The following ACTN4 variants were observed in gnomAD, a reference collection of about 807,000 sequenced individuals.
ACTN4 encodes the protein alpha-actinin-4.
Under a neutral mutation model 114.2 loss-of-function variants are expected in ACTN4, and 18 were observed. That is an observed-to-expected ratio of 0.16 (90% CI 0.11 to 0.23). ACTN4 has a LOEUF of 0.23. ACTN4 is among the 10% of genes least tolerant of loss of function. The probability of loss-of-function intolerance (pLI) is 1.00; values close to 1 mark genes in which losing one functional copy is unlikely to be tolerated. For synonymous variants in ACTN4, 515 were observed against 506.3 expected (o/e 1.02, Z -0.23); for missense variants, 722 against 1,262.9 (o/e 0.57, Z 6.49).
chr19:38,678,364 A>G (rs1253187688), intron 1 of ACTN4, among the ~76,000 whole-genome samples: 1 of 152,228 alleles, frequency 6.6e-6, no homozygotes, highest in African/African-American at 2.4e-5. Context: ...TAAAGACCTA[A>G]GAACACAGCC....
At chr19:38,669,139 A>G (rs567344049) in intron 1 of ACTN4, among the ~76,000 whole-genome samples, 1 of 152,126 alleles carries the variant, frequency 6.6e-6, no homozygotes, top group South Asian at 2.1e-4. Context: ...GACGCCTGCC[A>G]CCGTGCCCAG....
At chr19:38,681,154 G>T (rs79871000) in intron 1 of ACTN4, among the ~76,000 whole-genome samples, 1 of 108,394 alleles carries the variant, frequency 9.2e-6, no homozygotes, top group African/African-American at 3.1e-5. Context: ...AAAAAAAAAA[G>T]CAGATTCTAA....
At chr19:38,681,415 C>A (rs567270809) in intron 1 of ACTN4, among the ~76,000 whole-genome samples, 2 of 152,272 alleles carry the variant, frequency 1.3e-5, no homozygotes, top group African/African-American at 4.8e-5. Context: ...CTCCACCCCC[C>A]ACTGCCCAGA....
In ACTN4 at chr19:38,727,858, C is replaced by A; in HGVS notation, c.2338-88C>A. On this transcript the variant is annotated intron_variant, in intron 18 of 20. Transcript: ENST00000252699. The surrounding 1 kb of genome is among the most constrained non-coding windows in gnomAD (Gnocchi z 5.4). The stretch of plus-strand genomic sequence containing the variant: ...TGTTTCCCTCCCCTACGTGTCCCTT[C>A]CCCCTGCCCTCTGCATGTGACCCCG... The A allele has an allele frequency of 1.6e-6, 2 of 1,258,456 alleles. No individual in the cohort carries two copies. Among genetic ancestry groups the A allele is most frequent in the East Asian group, 2.5e-5 (1 of 40,720 alleles). The allele number at this position is 1,258,456 out of a possible 1,614,324, so 78.0% of individuals were successfully genotyped here.
chr19:38,672,134 C>T (rs564097241), intron 1 of ACTN4, among the ~76,000 whole-genome samples: 2 of 152,184 alleles, frequency 1.3e-5, no homozygotes, highest in South Asian at 4.2e-4. Flanking sequence ...CCTGGGTGTG[C>T]CACCTAAGGT....
intron 8 of ACTN4, among the ~76,000 whole-genome samples, chr19:38,713,419 C>G (rs961307586): frequency 3.9e-5 from 6 of 152,216 alleles, no homozygotes; most frequent in Admixed American, 2.6e-4. Context: ...CCCCCACAAG[C>G]TGCAGCCCTG....
intron 1 of ACTN4, among the ~76,000 whole-genome samples, chr19:38,655,490 C>T (rs1368063390): frequency 6.6e-6 from 1 of 151,710 alleles, no homozygotes; most frequent in Non-Finnish European, 1.5e-5. Flanking sequence ...TTAAAATTTT[C>T]CATGTGTGTA....
chr19:38,659,440 A>G (rs1976814162), intron 1 of ACTN4, among the ~76,000 whole-genome samples: 1 of 152,148 alleles, frequency 6.6e-6, no homozygotes, highest in South Asian at 2.1e-4. Flanking sequence ...CAATTGAGGG[A>G]TGATTGGTTA....
intron 1 of ACTN4, among the ~76,000 whole-genome samples, chr19:38,683,315 G>C (rs1398644713): frequency 6.6e-6 from 1 of 152,182 alleles, no homozygotes; most frequent in African/African-American, 2.4e-5. Context: ...CTCCCTCCCA[G>C]TGCAGCCCCT....
At chr19:38,716,130 C>T (rs568391011) in intron 9 of ACTN4, among the ~76,000 whole-genome samples, 1 of 152,130 alleles carries the variant, frequency 6.6e-6, no homozygotes, top group Admixed American at 6.5e-5. Context: ...ATCTTGAACT[C>T]CTGACCTCAG....
rs762414322 is a variant in ACTN4, at chr19:38,724,121, G to A, written c.1693-36G>A. 25 of 1,613,456 alleles carry A rather than the reference G, an allele frequency of 1.5e-5. No homozygotes were observed. Among genetic ancestry groups the A allele is most frequent in the Non-Finnish European group, 2.1e-5 (25 of 1,180,006 alleles). On this transcript the variant is annotated intron_variant, in intron 14 of 20. Coordinates refer to ENST00000252699, the MANE Select transcript of ACTN4 (RefSeq NM_004924.6). The surrounding 1 kb of genome is among the most constrained non-coding windows in gnomAD (Gnocchi z 7.0). ...CCCATCTTCCCAAGAGCCTCTGTGGGGCTGGGCCGCCCCCTCACTCCAGCT... is the reference window on the plus strand; with the variant it reads ...CCCATCTTCCCAAGAGCCTCTGTGGAGCTGGGCCGCCCCCTCACTCCAGCT...
chr19:38,670,106 C>T (rs1967083967), intron 1 of ACTN4, among the ~76,000 whole-genome samples: 1 of 152,188 alleles, frequency 6.6e-6, no homozygotes, highest in Admixed American at 6.5e-5. Context: ...CCCCTTTCTC[C>T]TCCATATGCC....
chr19:38,722,645 G>A (rs1969084995), intron 12 of ACTN4, among the ~76,000 whole-genome samples: 1 of 152,174 alleles, frequency 6.6e-6, no homozygotes, highest in Non-Finnish European at 1.5e-5. Flanking sequence ...GGCACTCCAG[G>A]GGTCCTGCCA....
chr19:38,699,881 G>C (rs1489372940), intron 1 of ACTN4, among the ~76,000 whole-genome samples: 2 of 152,202 alleles, frequency 1.3e-5, no homozygotes, highest in South Asian at 4.1e-4. Context: ...AGGGCTCAGA[G>C]GGTCTGTGTT....
Position 38,717,875 on chromosome 19 carries a change from T to G in ACTN4, c.1144-52T>G. 2 of 1,554,352 alleles carry G rather than the reference T, an allele frequency of 1.3e-6. No individual in the cohort carries two copies. The highest frequency in any genetic ancestry group is 2.4e-5 in the South Asian group (2 of 84,402). ...TCAGCATCCCTTGGAGACATCCCCC[T>G]GGGTGCCTCCACTTCCTTGTGATAG... On this transcript the variant is annotated intron_variant, in intron 10 of 20. Coordinates refer to ENST00000252699, the MANE Select transcript of ACTN4 (RefSeq NM_004924.6). This position sits in a 1 kb window ranked among gnomAD's most constrained non-coding sequence, Gnocchi z 4.0.
chr19:38,730,168 A>AG lies in ACTN4; in HGVS notation c.*736_*737insG, dbSNP rs1969460951. ...AATCACAAAAACAAAAAAACTATAA[A>AG]AAAGAAAGAATTAAAAACTTTCAGA... On this transcript the variant is annotated 3_prime_UTR_variant, in exon 21 of 21. Transcript: ENST00000252699. 6.4e-6 allele frequency: 1 copy of AG among 156,166 alleles called. No individual in the cohort carries two copies. Among genetic ancestry groups the AG allele is most frequent in the Admixed American group, 6.2e-5 (1 of 16,134 alleles). The allele number at this position is 156,166 out of a possible 1,614,324, so 9.7% of individuals were successfully genotyped here. A position where few individuals can be genotyped will look rare whatever the true frequency, so the allele number is the denominator to read the frequency against.
At position 38,667,962 on chromosome 19, in the gene ACTN4, A is replaced by G. The variant is rs573735758; in HGVS notation, c.162+20055A>G. Among the ~76,000 whole-genome samples the G allele has an allele frequency of 2.6e-5, 4 of 152,332 alleles. No homozygotes were observed. The South Asian group carries it at 6.2e-4, about 24-fold the overall frequency. On this transcript the variant is annotated intron_variant, in intron 1 of 20. Coordinates refer to ENST00000252699, the MANE Select transcript of ACTN4 (RefSeq NM_004924.6). ...TGCAAAATATGCAAGCTGGCTTCCT[A>G]TTTATACGGCGGAAGGCAGTCAGAA...
intron 1 of ACTN4, among the ~76,000 whole-genome samples, chr19:38,676,379 A>G (rs1343929477): frequency 1.3e-5 from 2 of 152,224 alleles, no homozygotes; most frequent in African/African-American, 4.8e-5. Flanking sequence ...AGAGTGGTGG[A>G]TGGAACCTTT....
intron 1 of ACTN4, among the ~76,000 whole-genome samples, chr19:38,648,420 TG>T (rs1218081705): frequency 1.3e-5 from 2 of 150,124 alleles, no homozygotes; most frequent in Non-Finnish European, 3.0e-5. Context: ...AGCCTCAGGT[TG>T]GGGGAGTTAT....
Sources: gnomAD v4.1 joint callset for allele counts (sites outside exome capture counted in the v4.1 genomes callset) on GRCh38, gnomAD v4.1.1 for gene constraint, Gnocchi (gnomAD v3.1) non-coding constraint, MANE v1.5 for transcripts, NCBI Gene and HGNC (gene_info 2026-07-23, HGNC 2026-07-21) for gene names.